The following CNTNAP5 variants were observed in gnomAD, a reference collection of about 807,000 sequenced individuals.
CNTNAP5 encodes the protein contactin associated protein family member 5, also known as contactin-associated protein-like 5.
In CNTNAP5, 72 loss-of-function variants were observed where a neutral mutation model predicts 150.2. The observed-to-expected ratio is 0.48, with a 90% CI of 0.40 to 0.58. The LOEUF is 0.58. Ranked by LOEUF, CNTNAP5 falls within the 20% of genes least tolerant of loss-of-function variation. The probability of loss-of-function intolerance (pLI) is 0.00; values close to 1 mark genes in which losing one functional copy is unlikely to be tolerated. For synonymous variants in CNTNAP5, 672 were observed against 619.8 expected, an observed-to-expected ratio of 1.08 and a Z score of -1.25; for missense variants, 1,636 against 1,626.2, an observed-to-expected ratio of 1.01 and a Z score of -0.10.
At chr2:124,745,763 T>C (rs931355293) in intron 13 of CNTNAP5, among the ~76,000 whole-genome samples, 2 of 152,198 alleles carry the variant, frequency 1.3e-5, no homozygotes, top group African/African-American at 4.8e-5. Context: ...TTGGGATGAC[T>C]GTAGTCCTCC....
At chr2:124,261,787 T>A (rs1687464240) in intron 3 of CNTNAP5, among the ~76,000 whole-genome samples, 1 of 152,160 alleles carries the variant, frequency 6.6e-6, no homozygotes, top group Non-Finnish European at 1.5e-5. Flanking sequence ...CTCCTGCTCT[T>A]GAGTAAGAGA....
intron 3 of CNTNAP5, among the ~76,000 whole-genome samples, chr2:124,369,983 G>C (rs1690480800): frequency 6.6e-6 from 1 of 152,076 alleles, no homozygotes; most frequent in Admixed American, 6.6e-5. Flanking sequence ...TGGTAAGGTT[G>C]TTGGAAAAAA....
At chr2:124,661,492 T>C (rs1360344661) in intron 13 of CNTNAP5, among the ~76,000 whole-genome samples, 1 of 152,170 alleles carries the variant, frequency 6.6e-6, no homozygotes, top group Non-Finnish European at 1.5e-5. Flanking sequence ...ATAACATACA[T>C]GAAGCTGTTG....
At chr2:124,358,097 G>A (rs1325715818) in intron 3 of CNTNAP5, among the ~76,000 whole-genome samples, 1 of 152,094 alleles carries the variant, frequency 6.6e-6, no homozygotes, top group Non-Finnish European at 1.5e-5. Flanking sequence ...CTCATGGTTT[G>A]GCTCTCTGTC....
intron 13 of CNTNAP5, among the ~76,000 whole-genome samples, chr2:124,732,313 A>G (rs558952387): frequency 2.6e-5 from 4 of 152,264 alleles, no homozygotes; most frequent in Admixed American, 1.3e-4. Flanking sequence ...TAATGGATCA[A>G]TAAAATTCTG....
At chr2:124,525,631 G>C (rs1243541884) in intron 9 of CNTNAP5, among the ~76,000 whole-genome samples, 1 of 152,170 alleles carries the variant, frequency 6.6e-6, no homozygotes, top group Non-Finnish European at 1.5e-5. Flanking sequence ...TCCTAGGAGG[G>C]AAGCAATATC....
At chr2:124,537,776 G>C (rs1426291028) in intron 10 of CNTNAP5, among the ~76,000 whole-genome samples, 6 of 152,318 alleles carry the variant, frequency 3.9e-5, no homozygotes, top group African/African-American at 1.4e-4. Flanking sequence ...AAGTGCATCT[G>C]TGTCCTCTTA....
intron 3 of CNTNAP5, among the ~76,000 whole-genome samples, chr2:124,251,989 A>G (rs948946544): frequency 4.6e-5 from 7 of 152,192 alleles, no homozygotes; most frequent in African/African-American, 1.7e-4. Context: ...TTGAATATGA[A>G]GCATTCTGCA....
At chr2:124,347,980 A>T (rs1689783256) in intron 3 of CNTNAP5, among the ~76,000 whole-genome samples, 2 of 152,000 alleles carry the variant, frequency 1.3e-5, no homozygotes, top group Admixed American at 1.3e-4. Context: ...GGCACCTGCC[A>T]CCACGCCCGG....
chr2:124,749,275 A>G (rs1680670455), intron 14 of CNTNAP5, among the ~76,000 whole-genome samples: 2 of 152,094 alleles, frequency 1.3e-5, no homozygotes, highest in South Asian at 4.1e-4. Flanking sequence ...AGAAACAGAT[A>G]TAGGAGCTAG....
At chr2:124,076,318 G>C (rs1682436598) in intron 1 of CNTNAP5, among the ~76,000 whole-genome samples, 1 of 152,146 alleles carries the variant, frequency 6.6e-6, no homozygotes, top group Non-Finnish European at 1.5e-5. Flanking sequence ...GCTAATGACA[G>C]AGTCTCCAGC....
chr2:124,663,384 C>T (rs988591730), intron 13 of CNTNAP5, among the ~76,000 whole-genome samples: 4 of 151,886 alleles, frequency 2.6e-5, no homozygotes, highest in African/African-American at 9.7e-5. Context: ...CCATAAGTTG[C>T]CCCCCAAAAA....
At position 124,428,175 on chromosome 2, in the gene CNTNAP5, A is replaced by G. The variant is rs530456033; in HGVS notation, c.530-6309A>G. ...TTCCACTCCCTCCTTCTATTCTCCT[A>G]TTCCCACCACACCCCCACCTCACCA... On this transcript the variant is annotated intron_variant, in intron 4 of 23. Transcript: ENST00000682447. 2.0e-5 allele frequency among the ~76,000 whole-genome samples: 3 copies of G among 151,626 alleles called. No individual in the cohort carries two copies. In the East Asian group the frequency reaches 5.9e-4, roughly 30 times the overall value.
rs139577264 is a variant in CNTNAP5, at chr2:124,332,200, T to C, written c.382-85243T>C. ...AAATCCATATTTTTAAAGAACCTTTTAAAAACCTCTACATTGGACAAAAAT... is the reference window on the plus strand; with the variant it reads ...AAATCCATATTTTTAAAGAACCTTTCAAAAACCTCTACATTGGACAAAAAT... On this transcript the variant is annotated intron_variant, in intron 3 of 23. Transcript: ENST00000682447. Among the ~76,000 whole-genome samples, 5 of 151,724 alleles carry C rather than the reference T, an allele frequency of 3.3e-5. No homozygotes were observed. The East Asian group carries it at 9.7e-4, about 29-fold the overall frequency.
At chr2:124,571,527 C>CTTTTTTTTTTTTTTTTTGTTTTTTTTT (rs1696155956) in intron 11 of CNTNAP5, among the ~76,000 whole-genome samples, 1 of 46,850 alleles carries the variant, frequency 2.1e-5, no homozygotes, top group Non-Finnish European at 3.6e-5. Flanking sequence ...TTTCTTTTTT[C>CTTTTTTTTTTTTTTTTTGTTTTTTTTT]TTTTTTTTTT....
intron 11 of CNTNAP5, among the ~76,000 whole-genome samples, chr2:124,597,328 G>A (rs1208747909): frequency 2.7e-5 from 4 of 149,790 alleles, no homozygotes; most frequent in Admixed American, 6.7e-5. Context: ...GCTCTTTTAG[G>A]GCAGGCCTGG....
chr2:124,735,113 C>T (rs1452676382), intron 13 of CNTNAP5, among the ~76,000 whole-genome samples: 2 of 151,994 alleles, frequency 1.3e-5, no homozygotes, highest in Non-Finnish European at 1.5e-5. Flanking sequence ...CTAGCTTTCC[C>T]CTCTCTATAT....
intron 1 of CNTNAP5, among the ~76,000 whole-genome samples, chr2:124,171,472 T>C (rs1017163012): frequency 5.3e-5 from 8 of 152,076 alleles, no homozygotes; most frequent in African/African-American, 1.9e-4. Context: ...CCAAGAGTCA[T>C]AAGAAGGCAG....
At chr2:124,115,297 C>A (rs1683398493) in intron 1 of CNTNAP5, among the ~76,000 whole-genome samples, 1 of 152,072 alleles carries the variant, frequency 6.6e-6, no homozygotes. Context: ...ATCTCATAAA[C>A]CATGGACACA....
Sources: allele counts gnomAD v4.1 joint callset (sites outside exome capture counted in the v4.1 genomes callset), GRCh38; gene constraint gnomAD v4.1.1; transcripts MANE v1.5; gene names NCBI Gene and HGNC (gene_info 2026-07-23, HGNC 2026-07-21).